IL1RAPL1: variants seen among roughly 807,000 people sequenced by gnomAD.
The protein encoded by IL1RAPL1 is interleukin-1 receptor accessory protein-like 1.
Under a neutral mutation model 48.4 loss-of-function variants are expected in IL1RAPL1, and 3 were observed. The ratio of observed to expected loss-of-function variants is 0.06; its 90% CI spans 0.03 to 0.16. The LOEUF (loss-of-function observed/expected upper bound fraction) is 0.16. Ranked by LOEUF, IL1RAPL1 falls within the 10% of genes least tolerant of loss-of-function variation. IL1RAPL1 has a pLI of 1.00. For missense variants in IL1RAPL1, 349 were observed against 530.6 expected (o/e 0.66, Z 3.36); for synonymous variants, 185 against 187.7 (o/e 0.99, Z 0.12).
At chrX:29,738,334 G>A (rs1928100819) in intron 6 of IL1RAPL1, among the ~76,000 whole-genome samples, 1 of 111,575 alleles carries the variant, frequency 9.0e-6, no homozygotes, top group Non-Finnish European at 1.9e-5. Context: ...AAAGCCATCA[G>A]GAAAGCCTGA....
At chrX:29,254,116 G>C (rs1931713760) in intron 2 of IL1RAPL1, among the ~76,000 whole-genome samples, 2 of 110,952 alleles carry the variant, frequency 1.8e-5, no homozygotes, top group African/African-American at 6.5e-5. Context: ...TATTTATCCA[G>C]GGTTTGTTAT....
intron 2 of IL1RAPL1, among the ~76,000 whole-genome samples, chrX:29,122,430 C>T: frequency 9.9e-6 from 1 of 101,109 alleles, no homozygotes; most frequent in East Asian, 3.2e-4. Context: ...CACACACACA[C>T]ACACACACAC....
intron 3 of IL1RAPL1, among the ~76,000 whole-genome samples, chrX:29,358,252 C>G (rs1933330461): frequency 9.0e-6 from 1 of 110,969 alleles, no homozygotes; most frequent in African/African-American, 3.3e-5. Flanking sequence ...TGCAGCCTTC[C>G]AATCTCCTTT....
intron 6 of IL1RAPL1, among the ~76,000 whole-genome samples, chrX:29,811,728 C>T (rs1185034543): frequency 1.8e-5 from 2 of 111,698 alleles, no homozygotes; most frequent in African/African-American, 6.5e-5. Flanking sequence ...AGCTGTATAC[C>T]TATTTGAAAA....
rs779650745 is a variant in IL1RAPL1 at position 28,973,657 on chromosome X, G to C, written c.82+184232G>C. 1.9e-3 allele frequency among the ~76,000 whole-genome samples: 214 copies of C among 111,541 alleles called. 1 individual carries two copies. Among genetic ancestry groups the C allele is most frequent in the African/African-American group, 6.4e-3 (198 of 30,703 alleles). On this transcript the variant is annotated intron_variant, in intron 2 of 10. Transcript: ENST00000378993. ...TACACTTATGATAACTCTGTGTTTG[G>C]ATATTTCTTTGTTTATTACAGATAT...
At chrX:29,414,495 G>A (rs773062930) in intron 5 of IL1RAPL1, among the ~76,000 whole-genome samples, 7 of 110,878 alleles carry the variant, frequency 6.3e-5, no homozygotes, top group Non-Finnish European at 1.1e-4. Context: ...GAGACGAGAG[G>A]ACCACTTGAG....
chrX:29,220,110 A>G (rs905434041), intron 2 of IL1RAPL1, among the ~76,000 whole-genome samples: 1 of 111,963 alleles, frequency 8.9e-6, no homozygotes, highest in African/African-American at 3.2e-5. Context: ...TTCCCTAATA[A>G]TTTATGTGTA....
intron 6 of IL1RAPL1, among the ~76,000 whole-genome samples, chrX:29,692,413 T>G (rs1216951220): frequency 8.9e-6 from 1 of 111,954 alleles, no homozygotes; most frequent in African/African-American, 3.2e-5. Flanking sequence ...TTATGAAAAC[T>G]CTAGCAAAAG....
chrX:29,214,944 G>A (rs1197727434), intron 2 of IL1RAPL1, among the ~76,000 whole-genome samples: 1 of 111,849 alleles, frequency 8.9e-6, no homozygotes, highest in Admixed American at 9.5e-5. Flanking sequence ...AGATTTAACA[G>A]CAATAACTAT....
intron 2 of IL1RAPL1, among the ~76,000 whole-genome samples, chrX:29,007,826 A>G (rs1468412928): frequency 1.8e-5 from 2 of 111,642 alleles, no homozygotes; most frequent in Admixed American, 9.5e-5. Context: ...TAAAATGTCT[A>G]CTCACTAGAA....
At chrX:29,278,030 C>T (rs1161526212) in intron 2 of IL1RAPL1, among the ~76,000 whole-genome samples, 9 of 111,216 alleles carry the variant, frequency 8.1e-5, no homozygotes, top group South Asian at 3.7e-4. Flanking sequence ...TTTTGGGTTT[C>T]GGATTTTCTG....
At chrX:29,518,387 A>G (rs914121873) in intron 5 of IL1RAPL1, among the ~76,000 whole-genome samples, 24 of 111,058 alleles carry the variant, frequency 2.2e-4, no homozygotes, top group African/African-American at 6.2e-4. Flanking sequence ...AGTGATGCCA[A>G]TGTTGCTGGT....
At chrX:29,032,003 A>G (rs148866335) in intron 2 of IL1RAPL1, among the ~76,000 whole-genome samples, 7 of 112,038 alleles carry the variant, frequency 6.2e-5, no homozygotes, top group African/African-American at 2.3e-4. Context: ...CCACCTACCT[A>G]CTTACCTACC....
At chrX:28,962,882 ATGTGTGTGTG>A (rs56826606) in intron 2 of IL1RAPL1, among the ~76,000 whole-genome samples, 41 of 96,017 alleles carry the variant, frequency 4.3e-4, no homozygotes, top group Admixed American at 1.1e-3. Context: ...GTCTGTGTGT[ATGTGTGTGTG>A]TGTGTGTGTG....
At chrX:28,619,406 G>A (rs1934256814) in intron 1 of IL1RAPL1, among the ~76,000 whole-genome samples, 2 of 109,101 alleles carry the variant, frequency 1.8e-5, no homozygotes, top group African/African-American at 6.7e-5. Flanking sequence ...ACCAGCCTGG[G>A]TAACATGGTG....
intron 1 of IL1RAPL1, among the ~76,000 whole-genome samples, chrX:28,681,933 G>T (rs1190418788): frequency 5.4e-5 from 6 of 111,813 alleles, no homozygotes; most frequent in Non-Finnish European, 9.4e-5. Context: ...AGCCCCACAT[G>T]TATTAAATGA....
chrX:28,987,707 C>T (rs1925509063), intron 2 of IL1RAPL1, among the ~76,000 whole-genome samples: 1 of 111,933 alleles, frequency 8.9e-6, no homozygotes, highest in Non-Finnish European at 1.9e-5. Flanking sequence ...AATAGAGAAG[C>T]AGAAATCTTA....
At chrX:28,619,278 G>T (rs1483402310) in intron 1 of IL1RAPL1, among the ~76,000 whole-genome samples, 1 of 110,634 alleles carries the variant, frequency 9.0e-6, no homozygotes, top group African/African-American at 3.3e-5. Flanking sequence ...ATAGGAGATG[G>T]TTGATTAGTG....
At chrX:29,492,011 A>G (rs920539205) in intron 5 of IL1RAPL1, among the ~76,000 whole-genome samples, 2 of 112,427 alleles carry the variant, frequency 1.8e-5, no homozygotes. Context: ...GCATTGGTAA[A>G]TGTCAGGTAC....
Sources: gnomAD v4.1 joint callset for allele counts (sites outside exome capture counted in the v4.1 genomes callset) on GRCh38, gnomAD v4.1.1 for gene constraint, MANE v1.5 for transcripts, NCBI Gene and HGNC (gene_info 2026-07-23, HGNC 2026-07-21) for gene names.